Variants in GUCY2C observed in about 807,000 individuals in gnomAD.
GUCY2C encodes guanylyl cyclase C.
A neutral mutation model predicts 131.1 loss-of-function variants in GUCY2C; 118 were observed. The ratio of observed to expected loss-of-function variants is 0.90; its 90% CI spans 0.78 to 1.05. GUCY2C has a LOEUF of 1.05. GUCY2C is among the 50% of genes least tolerant of loss of function. GUCY2C has a pLI of 0.00. For missense variants in GUCY2C, 1,161 were observed against 1,304.4 expected, an observed-to-expected ratio of 0.89 and a Z score of 1.69; for synonymous variants, 452 against 457.8, an observed-to-expected ratio of 0.99 and a Z score of 0.16.
intron 16 of GUCY2C, among the ~76,000 whole-genome samples, chr12:14,643,986 AT>A (rs953201305): frequency 9.2e-5 from 14 of 152,038 alleles, no homozygotes; most frequent in Non-Finnish European, 1.5e-4. Flanking sequence ...CAAAGGGTTG[AT>A]TTTTTTTAAG....
At chr12:14,614,136 T>C (rs1946707711) in intron 26 of GUCY2C, among the ~76,000 whole-genome samples, 1 of 152,114 alleles carries the variant, frequency 6.6e-6, no homozygotes. Context: ...GAACAAGACA[T>C]GCATGAAGTG....
chr12:14,627,414 A>G (rs1205810500), intron 20 of GUCY2C, among the ~76,000 whole-genome samples: 1 of 152,238 alleles, frequency 6.6e-6, no homozygotes, highest in African/African-American at 2.4e-5. Flanking sequence ...CTGCCAGTAC[A>G]GAGTCTAGTT....
chr12:14,639,479 T>C (rs1947350573), intron 19 of GUCY2C, among the ~76,000 whole-genome samples: 1 of 152,076 alleles, frequency 6.6e-6, no homozygotes, highest in African/African-American at 2.4e-5. Context: ...AAAAAGAGCC[T>C]TTGCAGATAT....
chr12:14,614,987 A>G lies in GUCY2C; in HGVS notation c.2971-44T>C, dbSNP rs759104608. The G allele has an allele frequency of 3.8e-6, 4 of 1,057,202 alleles. No individual in the cohort carries two copies. In the Middle Eastern group the frequency reaches 6.1e-4, roughly 162 times the overall value. The allele number at this position is 1,057,202 out of a possible 1,614,324, so 65.5% of individuals were successfully genotyped here. A position where few individuals can be genotyped will look rare whatever the true frequency, so the allele number is the denominator to read the frequency against. ...TACGTACCACGGAGTCCAAGGAGTC[A>G]GTTCAGTTGTAGACCACTGTTTCCA... On this transcript the variant is annotated intron_variant, in intron 25 of 26. Coordinates refer to ENST00000261170, the MANE Select transcript of GUCY2C (RefSeq NM_004963.4).
At chr12:14,671,534 A>T (rs1457374960) in intron 9 of GUCY2C, among the ~76,000 whole-genome samples, 1 of 152,140 alleles carries the variant, frequency 6.6e-6, no homozygotes, top group Admixed American at 6.5e-5. Context: ...CTGGATATAG[A>T]TTATCATCCC....
In GUCY2C at chr12:14,613,620, C is replaced by T. The variant is rs368882479; in HGVS notation, c.3048-329G>A. ...GATGCTAGGCCCCTGCCACACAACC[C>T]TGAAAACTCATTGGTCCCACACATA... On this transcript the variant is annotated intron_variant, in intron 26 of 26. Transcript: ENST00000261170. The surrounding 1 kb of genome is among the most constrained non-coding windows in gnomAD (Gnocchi z 4.9). 3.3e-5 allele frequency among the ~76,000 whole-genome samples: 5 copies of T among 152,186 alleles called. No individual in the cohort carries two copies. The East Asian group carries it at 7.7e-4, about 24-fold the overall frequency.
intron 1 of GUCY2C, among the ~76,000 whole-genome samples, chr12:14,691,306 G>T (rs1373990180): frequency 1.3e-5 from 2 of 152,176 alleles, no homozygotes; most frequent in Non-Finnish European, 2.9e-5. Context: ...AGAGAAGTGG[G>T]GAGTGATGGG....
chr12:14,695,606 A>G (rs1201637728), intron 1 of GUCY2C, among the ~76,000 whole-genome samples: 1 of 151,254 alleles, frequency 6.6e-6, no homozygotes, highest in Non-Finnish European at 1.5e-5. Context: ...ATCTCAAAAA[A>G]AAAAAAAAAA....
chr12:14,651,575 T>A, intron 14 of GUCY2C, 64 bp from the exon 15 acceptor site: 1 of 814,080 alleles, frequency 1.2e-6, no homozygotes, highest in African/African-American at 1.7e-5. Flanking sequence ...TAAAAATTAA[T>A]ATGCCAATAA....
At chr12:14,688,957 C>G (rs1238927973) in intron 1 of GUCY2C, among the ~76,000 whole-genome samples, 2 of 152,184 alleles carry the variant, frequency 1.3e-5, no homozygotes, top group African/African-American at 4.8e-5. Flanking sequence ...CGTGCATGAC[C>G]ATGTGGACGT....
Position 14,628,741 on chromosome 12 carries a change from G to GA in GUCY2C, c.2158-5dup, listed in dbSNP as rs775361102. 5 of 1,451,108 alleles carry GA rather than the reference G, an allele frequency of 3.4e-6. No homozygotes were observed. The highest frequency in any genetic ancestry group is 2.0e-5 in the Admixed American group (1 of 50,712). 89.9% of individuals were successfully genotyped at this position (1,451,108 alleles called of 1,614,324 possible). A position where few individuals can be genotyped will look rare whatever the true frequency, so the allele number is the denominator to read the frequency against. On this transcript the variant is annotated splice_region_variant and splice_polypyrimidine_tract_variant and intron_variant, in intron 19 of 26. Coordinates refer to ENST00000261170, the MANE Select transcript of GUCY2C (RefSeq NM_004963.4). ...AGTTTTTTACAAGTAGGTACACCTGGAAGAAAAAAAAACGGGCAAATTAGC... is the reference window on the plus strand; with the variant it reads ...AGTTTTTTACAAGTAGGTACACCTGGAAAGAAAAAAAAACGGGCAAATTAGC...
chr12:14,670,560 T>C (rs1948083907), intron 9 of GUCY2C, among the ~76,000 whole-genome samples: 1 of 152,080 alleles, frequency 6.6e-6, no homozygotes, highest in South Asian at 2.1e-4. Context: ...CAACTTGAAT[T>C]GTATCTCCCA....
intron 1 of GUCY2C, among the ~76,000 whole-genome samples, chr12:14,690,301 T>C (rs981389525): frequency 2.0e-5 from 3 of 152,224 alleles, no homozygotes; most frequent in African/African-American, 7.2e-5. Context: ...CTCTATGGGC[T>C]ACTCCCAAAG....
chr12:14,616,536 G>A lies in GUCY2C; in HGVS notation c.2970+97C>T. On this transcript the variant is annotated intron_variant, in intron 25 of 26. Transcript: ENST00000261170. ...TGCTCATCGTGATGAGTACAGAAGA[G>A]GATTAGCATGCTCAACTTTCCTGGC... 3 of 777,408 alleles carry A rather than the reference G, an allele frequency of 3.9e-6. No individual in the cohort carries two copies. In the Admixed American group the frequency reaches 5.2e-5, roughly 14 times the overall value. 48.2% of individuals were successfully genotyped at this position (777,408 alleles called of 1,614,324 possible).
At chr12:14,663,710 A>G (rs1947915278) in intron 10 of GUCY2C, among the ~76,000 whole-genome samples, 1 of 152,202 alleles carries the variant, frequency 6.6e-6, no homozygotes, top group Non-Finnish European at 1.5e-5. Context: ...ACCATAATCT[A>G]AACTCCTGGG....
intron 19 of GUCY2C, 128 bp from the exon 20 acceptor site, chr12:14,628,865 GAC>G: frequency 1.6e-6 from 1 of 635,508 alleles, no homozygotes; most frequent in Non-Finnish European, 2.8e-6. Flanking sequence ...ACTCAGTGCG[GAC>G]AAGAGATCCC....
Position 14,668,273 on chromosome 12 carries a change from C to T in GUCY2C, c.1282+1449G>A, listed in dbSNP as rs184558211. Among the ~76,000 whole-genome samples, 28 of 152,104 alleles carry T rather than the reference C, an allele frequency of 1.8e-4. No homozygotes were observed. The East Asian group carries it at 3.9e-3, about 21-fold the overall frequency. On this transcript the variant is annotated intron_variant, in intron 10 of 26. Transcript: ENST00000261170. The stretch of plus-strand genomic sequence containing the variant: ...ACAACCTCTGCCTCCTGGGTTCAAG[C>T]GATTCTCCTGCCTCAGCCTCCTGAG...
At chr12:14,668,317 C>T (rs1270949770) in intron 10 of GUCY2C, among the ~76,000 whole-genome samples, 6 of 152,128 alleles carry the variant, frequency 3.9e-5, no homozygotes, top group South Asian at 4.1e-4. Flanking sequence ...ATTATAGGCA[C>T]GCACCATCAT....
chr12:14,656,014 T>C (rs1387693566), intron 12 of GUCY2C, among the ~76,000 whole-genome samples: 35 of 152,220 alleles, frequency 2.3e-4, no homozygotes, highest in Admixed American at 2.3e-3. Flanking sequence ...CTGTGAGGAA[T>C]AGATGAGACA....
Sources: gnomAD v4.1 joint callset for allele counts (sites outside exome capture counted in the v4.1 genomes callset) on GRCh38, gnomAD v4.1.1 for gene constraint, Gnocchi (gnomAD v3.1) non-coding constraint, MANE v1.5 for transcripts, NCBI Gene and HGNC (gene_info 2026-07-23, HGNC 2026-07-21) for gene names.